The following ENTREP2 variants were observed in gnomAD, a reference collection of about 807,000 sequenced individuals.
ENTREP2 encodes the protein endosomal transmembrane epsin interactor 2, also known as protein ENTREP2.
At chr15:29,461,050 A>G in the ENTREP2 span, among the ~76,000 whole-genome samples, 1 of 151,506 alleles carries the variant, frequency 6.6e-6, no homozygotes, top group Non-Finnish European at 1.5e-5. Context: ...TCTCAAGACA[A>G]TAACTACGGC....
chr15:29,208,159 C>A, the ENTREP2 span, among the ~76,000 whole-genome samples: 1 of 124,852 alleles, frequency 8.0e-6, no homozygotes, highest in Non-Finnish European at 1.6e-5. Flanking sequence ...CCTCCCCTCC[C>A]CCCACCCTGA....
chr15:29,428,780 G>A, the ENTREP2 span, among the ~76,000 whole-genome samples: 3 of 152,066 alleles, frequency 2.0e-5, no homozygotes, highest in East Asian at 5.8e-4. Context: ...GTCAGGAAAC[G>A]GCATCCCATT....
chr15:29,643,989 A>G, the ENTREP2 span, among the ~76,000 whole-genome samples: 1 of 152,140 alleles, frequency 6.6e-6, no homozygotes, highest in Non-Finnish European at 1.5e-5. Flanking sequence ...TTGTACGTGA[A>G]TGTTCAAAGC....
chr15:29,468,823 G>T, the ENTREP2 span, among the ~76,000 whole-genome samples: 5 of 151,960 alleles, frequency 3.3e-5, no homozygotes, highest in African/African-American at 1.2e-4. Context: ...AATCTGTTTT[G>T]AAACTGTTGA....
At chr15:29,652,086 C>A in the ENTREP2 span, among the ~76,000 whole-genome samples, 2 of 152,212 alleles carry the variant, frequency 1.3e-5, no homozygotes, top group Non-Finnish European at 2.9e-5. Flanking sequence ...ATAAAAGCCC[C>A]AGGCTCAGCC....
At chr15:29,558,301 T>C in the ENTREP2 span, among the ~76,000 whole-genome samples, 1 of 152,060 alleles carries the variant, frequency 6.6e-6, no homozygotes, top group South Asian at 2.1e-4. Flanking sequence ...ATGGCTCTGC[T>C]GTTTCCCACG....
At chr15:29,252,537 G>T in the ENTREP2 span, 3 of 950,724 alleles carry the variant, frequency 3.2e-6, no homozygotes, top group East Asian at 2.7e-5. Flanking sequence ...AAGGAAAAAT[G>T]ACATGGCTTT....
chr15:29,660,726 G>A, the ENTREP2 span, among the ~76,000 whole-genome samples: 4 of 152,164 alleles, frequency 2.6e-5, no homozygotes, highest in African/African-American at 7.2e-5. Context: ...GCACTTTATT[G>A]TTATCATTGG....
the ENTREP2 span, among the ~76,000 whole-genome samples, chr15:29,621,067 G>C: frequency 8.5e-5 from 13 of 152,086 alleles, no homozygotes; most frequent in South Asian, 2.1e-3. Flanking sequence ...TTTGAGAAAT[G>C]GCGCTGGCAG....
the ENTREP2 span, among the ~76,000 whole-genome samples, chr15:29,624,189 T>TA: frequency 1.3e-5 from 2 of 152,372 alleles, no homozygotes; most frequent in East Asian, 1.9e-4. Flanking sequence ...CTATGATAGT[T>TA]ATTCTACGAT....
At chr15:29,493,429 G>A in the ENTREP2 span, among the ~76,000 whole-genome samples, 76 of 151,806 alleles carry the variant, frequency 5.0e-4, no homozygotes, top group African/African-American at 1.6e-3. Context: ...CACCGCGCCC[G>A]GCCGACAACT....
At chr15:29,611,126 C>G in the ENTREP2 span, 2 of 152,258 alleles carry the variant, frequency 1.3e-5, no homozygotes, top group African/African-American at 2.4e-5. Context: ...CTCAAACACC[C>G]TCTTTGTCTG....
chr15:29,604,828 C>G, the ENTREP2 span, among the ~76,000 whole-genome samples: 6 of 152,164 alleles, frequency 3.9e-5, no homozygotes, highest in African/African-American at 1.4e-4. Context: ...GTAGTGCTGT[C>G]CCGTGAAGAT....
the ENTREP2 span, among the ~76,000 whole-genome samples, chr15:29,623,916 A>G: frequency 6.6e-6 from 1 of 152,078 alleles, no homozygotes; most frequent in Admixed American, 6.6e-5. Context: ...TTGTATTTTT[A>G]GTAGAGACGG....
At chr15:29,571,172 T>G in the ENTREP2 span, among the ~76,000 whole-genome samples, 1 of 151,560 alleles carries the variant, frequency 6.6e-6, no homozygotes, top group Non-Finnish European at 1.5e-5. Flanking sequence ...GGTGCGGTCC[T>G]GGCGTCCCAG....
chr15:29,531,523 C>T, the ENTREP2 span, among the ~76,000 whole-genome samples: 18 of 152,128 alleles, frequency 1.2e-4, no homozygotes, highest in South Asian at 1.7e-3. Flanking sequence ...ACCATGGGGA[C>T]GGAAGGCAAA....
At chr15:29,398,363 A>G in the ENTREP2 span, among the ~76,000 whole-genome samples, 25 of 152,132 alleles carry the variant, frequency 1.6e-4, no homozygotes, top group Non-Finnish European at 2.9e-5. Flanking sequence ...AAAATGAAAA[A>G]TTCTTTCATT....
chr15:29,391,466 C>T, the ENTREP2 span, among the ~76,000 whole-genome samples: 2 of 152,204 alleles, frequency 1.3e-5, no homozygotes, highest in East Asian at 3.9e-4. Context: ...AAGATCACCT[C>T]ATGAAAGAGA....
chr15:29,465,341 C>A, the ENTREP2 span, among the ~76,000 whole-genome samples: 1 of 152,126 alleles, frequency 6.6e-6, no homozygotes, highest in Non-Finnish European at 1.5e-5. Context: ...AAGAGCCAGG[C>A]AAACAGAATC....
Sources: allele counts gnomAD v4.1 joint callset (sites outside exome capture counted in the v4.1 genomes callset), GRCh38; gene constraint gnomAD v4.1.1; transcripts MANE v1.5; gene names NCBI Gene and HGNC (gene_info 2026-07-23, HGNC 2026-07-21).